WWOX: variants seen among roughly 807,000 people sequenced by gnomAD.
WWOX encodes the protein WW domain-containing oxidoreductase.
In WWOX, 69 loss-of-function variants were observed where a neutral mutation model predicts 46.2. That is an observed-to-expected ratio of 1.49 (90% confidence interval 1.23 to 1.82). WWOX has a LOEUF of 1.82. Among genes scored for constraint, WWOX ranks in the 40% most tolerant of loss-of-function variants. The pLI is 0.00. For missense variants in WWOX, 919 were observed against 542.6 expected (o/e 1.69, Z -6.89); for synonymous variants, 359 against 202.6 (o/e 1.77, Z -6.56).
At chr16:78,593,377 T>C (rs956214161) in intron 8 of WWOX, among the ~76,000 whole-genome samples, 6 of 152,308 alleles carry the variant, frequency 3.9e-5, no homozygotes, top group African/African-American at 1.4e-4. Flanking sequence ...CTGACAGTTT[T>C]GTCTGCCCAG....
intron 8 of WWOX, among the ~76,000 whole-genome samples, chr16:78,954,178 A>G (rs1597200981): frequency 6.6e-6 from 1 of 152,106 alleles, no homozygotes; most frequent in Non-Finnish European, 1.5e-5. Context: ...TATTCTTTAG[A>G]TGGATGGGTG....
chr16:78,471,885 T>G (rs1271153773), intron 8 of WWOX, among the ~76,000 whole-genome samples: 1 of 152,210 alleles, frequency 6.6e-6, no homozygotes, highest in Non-Finnish European at 1.5e-5. Context: ...AATTTTTTTT[T>G]CTATTCACCA....
chr16:78,294,286 C>T (rs978792656), intron 5 of WWOX, among the ~76,000 whole-genome samples: 27 of 152,102 alleles, frequency 1.8e-4, no homozygotes, highest in African/African-American at 5.6e-4. Context: ...AGCCCAGTGC[C>T]GGGGTTGCAG....
intron 8 of WWOX, among the ~76,000 whole-genome samples, chr16:78,763,403 C>G (rs956075885): frequency 6.6e-6 from 1 of 152,242 alleles, no homozygotes; most frequent in Non-Finnish European, 1.5e-5. Flanking sequence ...TACCTGCTAT[C>G]TACCAGGCAG....
intron 8 of WWOX, among the ~76,000 whole-genome samples, chr16:78,998,066 G>C (rs527358560): frequency 1.3e-5 from 2 of 152,236 alleles, no homozygotes; most frequent in East Asian, 1.9e-4. Flanking sequence ...AGTAAAGACA[G>C]GGTTTCTCCC....
intron 5 of WWOX, among the ~76,000 whole-genome samples, chr16:78,358,574 C>A (rs1395391425): frequency 6.6e-6 from 1 of 152,116 alleles, no homozygotes; most frequent in Non-Finnish European, 1.5e-5. Context: ...CTGAGAATCG[C>A]TTGAACCTGG....
At chr16:78,309,200 T>A (rs1382659049) in intron 5 of WWOX, among the ~76,000 whole-genome samples, 1 of 152,224 alleles carries the variant, frequency 6.6e-6, no homozygotes, top group African/African-American at 2.4e-5. Context: ...GTGGATGTAA[T>A]TGAATCATAT....
In WWOX at chr16:78,644,223, A is replaced by AAATGAATG. The variant is rs541292076; in HGVS notation, c.1056+211494_1056+211501dup. ...GGCAACGAGCGAAACTCTGTCTCAA[A>AAATGAATG]AATGAATGAATGAATGAATGAATGA... On this transcript the variant is annotated intron_variant, in intron 8 of 8. Transcript: ENST00000566780. Among the ~76,000 whole-genome samples, 1,253 of 152,080 alleles carry AAATGAATG rather than the reference A, an allele frequency of 8.2e-3. 15 individuals are homozygous for AAATGAATG. The highest frequency in any genetic ancestry group is 0.028 in the African/African-American group (1,171 of 41,428).
At chr16:78,481,484 G>T (rs1227510642) in intron 8 of WWOX, among the ~76,000 whole-genome samples, 2 of 152,034 alleles carry the variant, frequency 1.3e-5, no homozygotes, top group East Asian at 1.9e-4. Context: ...AGTTTTGATG[G>T]GAACTTTGCA....
intron 8 of WWOX, among the ~76,000 whole-genome samples, chr16:78,575,044 T>C (rs1454410099): frequency 1.5e-4 from 1 of 6,768 alleles, no homozygotes; most frequent in African/African-American, 5.1e-4. Context: ...TATATATATA[T>C]ATATATATAT....
At chr16:78,680,368 A>C (rs1293763023) in intron 8 of WWOX, among the ~76,000 whole-genome samples, 1 of 151,792 alleles carries the variant, frequency 6.6e-6, no homozygotes, top group African/African-American at 2.4e-5. Context: ...ACGTAAAAAG[A>C]CCTATCTCTA....
At chr16:78,671,195 G>A (rs1052152657) in intron 8 of WWOX, among the ~76,000 whole-genome samples, 1 of 152,220 alleles carries the variant, frequency 6.6e-6, no homozygotes, top group African/African-American at 2.4e-5. Flanking sequence ...GGCTGAGGCA[G>A]GTGGATCACT....
chr16:78,302,788 C>G (rs902036644), intron 5 of WWOX, among the ~76,000 whole-genome samples: 1 of 152,200 alleles, frequency 6.6e-6, no homozygotes, highest in Non-Finnish European at 1.5e-5. Flanking sequence ...CTTGGCATAT[C>G]TCTTGGTTCC....
At chr16:78,815,421 T>C (rs747248600) in intron 8 of WWOX, among the ~76,000 whole-genome samples, 12 of 152,146 alleles carry the variant, frequency 7.9e-5, no homozygotes, top group Non-Finnish European at 1.8e-4. Flanking sequence ...CATGAAACCT[T>C]GCTGTTTCCT....
At chr16:78,624,770 A>C (rs2046273086) in intron 8 of WWOX, among the ~76,000 whole-genome samples, 1 of 152,346 alleles carries the variant, frequency 6.6e-6, no homozygotes, top group Admixed American at 6.5e-5. Context: ...TTTATTGCAG[A>C]ACGACACAAT....
At chr16:78,745,865 A>G (rs1392190839) in intron 8 of WWOX, among the ~76,000 whole-genome samples, 2 of 137,630 alleles carry the variant, frequency 1.5e-5, no homozygotes, top group Non-Finnish European at 3.2e-5. Context: ...TAGTTTGGAA[A>G]AAGCACATTG....
intron 8 of WWOX, among the ~76,000 whole-genome samples, chr16:79,122,357 T>C (rs1403961326): frequency 6.6e-6 from 1 of 152,180 alleles, no homozygotes; most frequent in Non-Finnish European, 1.5e-5. Flanking sequence ...ATTGGAACAA[T>C]AGCGCTTCTA....
chr16:78,528,165 A>ATTTTTTTTTTTTTT (rs56803717), intron 8 of WWOX, among the ~76,000 whole-genome samples: 18 of 58,392 alleles, frequency 3.1e-4, no homozygotes, highest in African/African-American at 1.3e-3. Flanking sequence ...CACCTGGCTA[A>ATTTTTTTTTTTTTT]TTTTTTTTTT....
At chr16:79,126,486 G>A (rs1339338509) in intron 8 of WWOX, among the ~76,000 whole-genome samples, 1 of 152,136 alleles carries the variant, frequency 6.6e-6, no homozygotes, top group Non-Finnish European at 1.5e-5. Context: ...GTGTTTGGTA[G>A]TTCGTTCTGT....
Sources: gnomAD v4.1 joint callset for allele counts (sites outside exome capture counted in the v4.1 genomes callset) on GRCh38, gnomAD v4.1.1 for gene constraint, MANE v1.5 for transcripts, NCBI Gene and HGNC (gene_info 2026-07-23, HGNC 2026-07-21) for gene names.